EPB41L3: variants seen among roughly 807,000 people sequenced by gnomAD.
The protein encoded by EPB41L3 is erythrocyte membrane protein band 4.1 like 3, also known as band 4.1-like protein 3.
Under a neutral mutation model 127.1 loss-of-function variants are expected in EPB41L3, and 57 were observed. The observed-to-expected ratio is 0.45, with a 90% CI of 0.36 to 0.56. The LOEUF (loss-of-function observed/expected upper bound fraction) is 0.56. Ranked by LOEUF, EPB41L3 falls within the 20% of genes least tolerant of loss-of-function variation. The pLI, the probability that EPB41L3 is intolerant of heterozygous loss-of-function variation, is 0.00. For missense variants in EPB41L3, 1,273 were observed against 1,372.2 expected (o/e 0.93, Z 1.14); for synonymous variants, 572 against 549.5 (o/e 1.04, Z -0.57).
chr18:5,471,552 A>C (rs2086144622), intron 3 of EPB41L3, among the ~76,000 whole-genome samples: 1 of 152,262 alleles, frequency 6.6e-6, no homozygotes, highest in Non-Finnish European at 1.5e-5. Context: ...TGCTTTCCGC[A>C]TTAAACCAGT....
intron 1 of EPB41L3, among the ~76,000 whole-genome samples, chr18:5,615,512 C>CACTA (rs1471499603): frequency 1.3e-5 from 2 of 152,124 alleles, no homozygotes; most frequent in Non-Finnish European, 2.9e-5. Context: ...TATTTGAGAA[C>CACTA]ACTAGAAGGT....
At chr18:5,528,933 C>G (rs759380650) in intron 1 of EPB41L3, 6 of 152,170 alleles carry the variant, frequency 3.9e-5, no homozygotes, top group Admixed American at 6.5e-5. Flanking sequence ...TTGGATTGAA[C>G]TGAAGCTTAC....
intron 3 of EPB41L3, among the ~76,000 whole-genome samples, chr18:5,459,377 C>T (rs985441700): frequency 4.0e-5 from 6 of 148,398 alleles, no homozygotes; most frequent in African/African-American, 7.5e-5. Context: ...GTATTGAGAG[C>T]CTAATGTCCA....
chr18:5,526,275 CTT>C (rs1027455900), intron 1 of EPB41L3, among the ~76,000 whole-genome samples: 2 of 152,178 alleles, frequency 1.3e-5, no homozygotes, highest in African/African-American at 4.8e-5. Flanking sequence ...CTTGGTCAAA[CTT>C]AATTCACGTG....
At chr18:5,506,303 GTC>G (rs1436426525) in intron 1 of EPB41L3, among the ~76,000 whole-genome samples, 1 of 152,132 alleles carries the variant, frequency 6.6e-6, no homozygotes, top group Non-Finnish European at 1.5e-5. Context: ...AAGCTCCACT[GTC>G]TGGATACGCT....
intron 2 of EPB41L3, 34 bp from the exon 3 acceptor site, chr18:5,478,472 C>T (rs775658777): frequency 1.2e-6 from 2 of 1,605,842 alleles, no homozygotes; most frequent in Non-Finnish European, 1.7e-6. Context: ...GTTTTCATTG[C>T]AAGGTGGGAA....
chr18:5,428,292 G>A, intron 9 of EPB41L3, 21 bp downstream of exon 9: 1 of 1,613,208 alleles, frequency 6.2e-7, no homozygotes, highest in Admixed American at 1.7e-5. Context: ...CCAACGCACA[G>A]GCAAATGTGG....
chr18:5,543,926 G>C lies in EPB41L3; in HGVS notation c.-25C>G. 1 of 984,552 alleles carries C rather than the reference G, an allele frequency of 1.0e-6. No homozygotes were observed. Among genetic ancestry groups the C allele is most frequent in the Non-Finnish European group, 1.2e-6 (1 of 829,674 alleles). 61.0% of individuals were successfully genotyped at this position (984,552 alleles called of 1,614,324 possible). On this transcript the variant is annotated 5_prime_UTR_variant, in exon 1 of 23. Transcript: ENST00000341928. The surrounding 1 kb of genome is among the most constrained non-coding windows in gnomAD (Gnocchi z 5.2). Reference sequence around the variant, plus strand: ...CGGAAAAGTTACCTGGGATCAGCAGGGAGCCCGGGCGCGCCGCGGCGTGGG... The same window carrying C: ...CGGAAAAGTTACCTGGGATCAGCAGCGAGCCCGGGCGCGCCGCGGCGTGGG...
intron 1 of EPB41L3, among the ~76,000 whole-genome samples, chr18:5,528,310 T>G (rs552452680): frequency 6.6e-6 from 1 of 151,982 alleles, no homozygotes; most frequent in South Asian, 2.1e-4. Flanking sequence ...TAGCTGGAAC[T>G]ACAGGCACAC....
rs770977085 is a variant in EPB41L3 at position 5,478,452 on chromosome 18, A to G, written c.184-14T>C. ...CTTGTCAGTGACCTGTGAAGAGCAAACAATCAACAGTTTTCATTGCAAGGT... is the reference window on the plus strand; with the variant it reads ...CTTGTCAGTGACCTGTGAAGAGCAAGCAATCAACAGTTTTCATTGCAAGGT... On this transcript the variant is annotated splice_polypyrimidine_tract_variant and intron_variant, in intron 2 of 22. Coordinates refer to ENST00000341928, the MANE Select transcript of EPB41L3 (RefSeq NM_012307.5). 2 of 1,613,314 alleles carry G rather than the reference A, an allele frequency of 1.2e-6. No individual in the cohort carries two copies. The highest frequency in any genetic ancestry group is 3.3e-5 in the Admixed American group (2 of 60,002).
chr18:5,482,320 G>C (rs984786692), intron 2 of EPB41L3, among the ~76,000 whole-genome samples: 5 of 151,962 alleles, frequency 3.3e-5, no homozygotes, highest in African/African-American at 7.2e-5. Flanking sequence ...AGAGAAAAAA[G>C]AAAAATGAAC....
chr18:5,444,030 C>T (rs2081146233), intron 4 of EPB41L3, 150 bp from the exon 5 acceptor site: 4 of 636,340 alleles, frequency 6.3e-6, no homozygotes, highest in South Asian at 2.4e-5. Flanking sequence ...CATCTGGTGC[C>T]CCTCTGCCAA....
chr18:5,617,728 T>C (rs531557647), intron 1 of EPB41L3, among the ~76,000 whole-genome samples: 25 of 152,232 alleles, frequency 1.6e-4, no homozygotes, highest in African/African-American at 6.0e-4. Flanking sequence ...TATTACTTGA[T>C]CAGAAGAACA....
chr18:5,503,246 T>G (rs1219177861), intron 1 of EPB41L3, among the ~76,000 whole-genome samples: 1 of 152,196 alleles, frequency 6.6e-6, no homozygotes, highest in Non-Finnish European at 1.5e-5. Flanking sequence ...TTAATACATC[T>G]GAAATACACC....
At chr18:5,498,795 A>G (rs1372542099) in intron 1 of EPB41L3, among the ~76,000 whole-genome samples, 2 of 152,068 alleles carry the variant, frequency 1.3e-5, no homozygotes, top group Admixed American at 6.6e-5. Flanking sequence ...GTGAGCGAAT[A>G]AACTAAATAT....
intron 3 of EPB41L3, among the ~76,000 whole-genome samples, chr18:5,551,958 G>A (rs944253688): frequency 5.3e-5 from 8 of 152,164 alleles, no homozygotes; most frequent in African/African-American, 1.9e-4. Context: ...GTGACTTTTA[G>A]GAGTAAATGG....
At chr18:5,566,722 C>CTATT (rs2094203565) in intron 3 of EPB41L3, among the ~76,000 whole-genome samples, 1 of 148,598 alleles carries the variant, frequency 6.7e-6, no homozygotes, top group African/African-American at 2.5e-5. Context: ...CTTTTCTATT[C>CTATT]CATTCTATTC....
chr18:5,414,211 T>A (rs1006423121), intron 13 of EPB41L3, among the ~76,000 whole-genome samples: 2 of 152,216 alleles, frequency 1.3e-5, no homozygotes, highest in Admixed American at 1.3e-4. Context: ...AGTCCAACAC[T>A]ATTTGATAAT....
intron 14 of EPB41L3, among the ~76,000 whole-genome samples, chr18:5,410,217 T>TAAA (rs113223592): frequency 7.0e-6 from 1 of 143,032 alleles, no homozygotes; most frequent in African/African-American, 2.5e-5. Flanking sequence ...AATTTTTTTC[T>TAAA]AAAAAAAAAA....
Sources: allele counts gnomAD v4.1 joint callset (sites outside exome capture counted in the v4.1 genomes callset), GRCh38; gene constraint gnomAD v4.1.1; non-coding constraint Gnocchi (gnomAD v3.1); transcripts MANE v1.5; gene names NCBI Gene and HGNC (gene_info 2026-07-23, HGNC 2026-07-21).